The following ME1 variants were observed in gnomAD, a reference collection of about 807,000 sequenced individuals.
The protein encoded by ME1 is NADP-dependent malic enzyme.
A neutral mutation model predicts 66.4 loss-of-function variants in ME1; 74 were observed. The observed-to-expected ratio is 1.11, with a 90% confidence interval of 0.92 to 1.35. The LOEUF (loss-of-function observed/expected upper bound fraction) is 1.35. Ranked by LOEUF, ME1 falls within the 40% of genes most tolerant of loss-of-function variation. The pLI, the probability that ME1 is intolerant of heterozygous loss-of-function variation, is 0.00. For synonymous variants in ME1, 251 were observed against 235.6 expected (o/e 1.07, Z -0.60); for missense variants, 750 against 694.1 (o/e 1.08, Z -0.90).
chr6:83,237,816 A>G lies in ME1; in HGVS notation c.927T>C (p.Ile309=). 1 of 1,602,224 alleles carries G rather than the reference A, an allele frequency of 6.2e-7. No individual in the cohort carries two copies. Among genetic ancestry groups the G allele is most frequent in the Non-Finnish European group, 8.5e-7 (1 of 1,173,412 alleles). Residue 309 remains isoleucine, a synonymous_variant, in exon 9 of 14, where the codon ATT becomes ATC. Coordinates refer to ENST00000369705, the MANE Select transcript of ME1 (RefSeq NM_002395.6). ...CCAAGGCCATCACAATCAGGTGTGC[A>G]ATCCCTAGGGCAGCCTCAGTGATGA... ...FQGAGEAALG[I]AHLIVMALEK...
At chr6:83,294,878 G>C (rs1457667730) in intron 6 of ME1, among the ~76,000 whole-genome samples, 1 of 152,164 alleles carries the variant, frequency 6.6e-6, no homozygotes, top group African/African-American at 2.4e-5. Flanking sequence ...GGGGAAGTGA[G>C]AGACCCTCAG....
chr6:83,328,026 T>C (rs904963706), intron 5 of ME1, among the ~76,000 whole-genome samples: 21 of 152,332 alleles, frequency 1.4e-4, no homozygotes, highest in African/African-American at 3.8e-4. Context: ...CGTATGTTTA[T>C]TGCAGCACTG....
intron 3 of ME1, among the ~76,000 whole-genome samples, chr6:83,352,806 T>C (rs1010512595): frequency 6.6e-6 from 1 of 152,206 alleles, no homozygotes; most frequent in Non-Finnish European, 1.5e-5. Context: ...CTTATCCTCA[T>C]TTAAAAGTTT....
chr6:83,237,315 A>G (rs1167632053), intron 9 of ME1, among the ~76,000 whole-genome samples: 4 of 60,222 alleles, frequency 6.6e-5, no homozygotes, highest in Non-Finnish European at 1.1e-4. Flanking sequence ...AGAAAGAAAG[A>G]AAAGGAAGGA....
intron 13 of ME1, among the ~76,000 whole-genome samples, chr6:83,213,121 C>T (rs1426695587): frequency 5.3e-5 from 8 of 151,300 alleles, no homozygotes; most frequent in Non-Finnish European, 1.2e-4. Flanking sequence ...CAACCTCTGC[C>T]TCCTGGGTTC....
chr6:83,399,148 A>G (rs1476866822), intron 2 of ME1, among the ~76,000 whole-genome samples: 1 of 151,086 alleles, frequency 6.6e-6, no homozygotes, highest in Admixed American at 6.6e-5. Flanking sequence ...GCGTGCACCA[A>G]CAAGCCCGGC....
At chr6:83,403,676 G>A (rs1028635621) in intron 2 of ME1, among the ~76,000 whole-genome samples, 1 of 151,964 alleles carries the variant, frequency 6.6e-6, no homozygotes, top group East Asian at 1.9e-4. Context: ...GACAGGCCCT[G>A]GTGTGTGATG....
At chr6:83,421,889 C>A (rs2128553549) in intron 1 of ME1, among the ~76,000 whole-genome samples, 1 of 152,280 alleles carries the variant, frequency 6.6e-6, no homozygotes, top group African/African-American at 2.4e-5. Context: ...GGATATAGAG[C>A]TGGTCTCAAG....
intron 9 of ME1, among the ~76,000 whole-genome samples, chr6:83,229,750 T>C (rs922512808): frequency 2.0e-5 from 3 of 152,210 alleles, no homozygotes; most frequent in Non-Finnish European, 4.4e-5. Flanking sequence ...ACAAATAGTA[T>C]GTCATAGTCT....
At chr6:83,386,825 C>T (rs1769512459) in intron 3 of ME1, among the ~76,000 whole-genome samples, 1 of 151,960 alleles carries the variant, frequency 6.6e-6, no homozygotes, top group African/African-American at 2.4e-5. Context: ...AGAGAGCTCT[C>T]TGCTTTCTGC....
Position 83,211,929 on chromosome 6 carries a change from G to A in ME1, c.1714C>T (p.Gln572Ter). 1.3e-6 allele frequency: 2 copies of A among 1,582,588 alleles called. No homozygotes were observed. The highest frequency in any genetic ancestry group is 1.3e-5 in the African/African-American group (1 of 74,104). Residue 572 changes from glutamine to a stop codon, truncating the protein, a stop_gained, in exon 14 of 14, where the codon CAG becomes TAG. Coordinates refer to ENST00000369705, the MANE Select transcript of ME1 (RefSeq NM_002395.6). LOFTEE classifies it high-confidence loss of function. ...TAGAAATGTTTGCTATTATCCTACT[G>A]GTCAACTTTGGTCTGTATTTTCTGC... ...EVQKIQTKVD[Q>*] is the part of the protein sequence containing the mutation.
rs1343138164 is a variant in ME1, at chr6:83,322,984, G to C, written c.601-7571C>G. ...TGCAGAAATTCTGCAAGCCCGAAGAGAGTGGGGGCCAACATTCAACATTCT... is the reference window on the plus strand; with the variant it reads ...TGCAGAAATTCTGCAAGCCCGAAGACAGTGGGGGCCAACATTCAACATTCT... On this transcript the variant is annotated intron_variant, in intron 5 of 13. Coordinates refer to ENST00000369705, the MANE Select transcript of ME1 (RefSeq NM_002395.6). 2.6e-5 allele frequency among the ~76,000 whole-genome samples: 4 copies of C among 152,222 alleles called. No homozygotes were observed. The East Asian group carries it at 7.7e-4, about 29-fold the overall frequency.
chr6:83,323,498 AC>A, intron 5 of ME1, among the ~76,000 whole-genome samples: 1 of 134,208 alleles, frequency 7.5e-6, no homozygotes, highest in South Asian at 2.2e-4. Context: ...AAACAAACAA[AC>A]AAACAAAAAA....
At position 83,346,229 on chromosome 6, in the gene ME1, C is replaced by T. The variant is rs760322480; in HGVS notation, c.544G>A (p.Gly182Arg). ...GKLALYTACG[G>R]MNPQECLPVI... is the part of the protein sequence containing the mutation. ...GGCAGACATTCTTGAGGATTCATCC[C>T]TCCGCAAGCTGTATATAGAGCCAAT... Residue 182 changes from glycine to arginine, a missense_variant, in exon 5 of 14, where the codon GGG becomes AGG. By Grantham distance (125) the Gly-to-Arg change is moderately radical. Transcript: ENST00000369705. The T allele has an allele frequency of 1.2e-6, 2 of 1,612,780 alleles. No homozygotes were observed. The highest frequency in any genetic ancestry group is 1.7e-6 in the Non-Finnish European group (2 of 1,179,192).
intron 2 of ME1, among the ~76,000 whole-genome samples, chr6:83,404,433 T>C (rs1769896805): frequency 6.6e-6 from 1 of 152,210 alleles, no homozygotes; most frequent in Admixed American, 6.5e-5. Flanking sequence ...GCAAAAATTT[T>C]CTCCAATTCT....
At chr6:83,268,793 T>C (rs1274279608) in intron 6 of ME1, among the ~76,000 whole-genome samples, 1 of 150,940 alleles carries the variant, frequency 6.6e-6, no homozygotes, top group Admixed American at 6.6e-5. Flanking sequence ...GGTTTCACTA[T>C]GTTGCCCAGG....
intron 10 of ME1, 62 bp downstream of exon 10, chr6:83,228,764 G>GT (rs1329086834): frequency 3.7e-6 from 4 of 1,072,842 alleles, no homozygotes; most frequent in East Asian, 2.5e-5. Context: ...AAAATTGGTA[G>GT]TAAAAAAAAC....
chr6:83,212,395 C>A (rs535963732), intron 13 of ME1, among the ~76,000 whole-genome samples: 3 of 152,262 alleles, frequency 2.0e-5, no homozygotes, highest in South Asian at 4.1e-4. Context: ...CTTGACATGA[C>A]CTGACTGACA....
At chr6:83,264,115 A>G (rs1422200149) in intron 6 of ME1, among the ~76,000 whole-genome samples, 1 of 152,208 alleles carries the variant, frequency 6.6e-6, no homozygotes, top group Non-Finnish European at 1.5e-5. Context: ...CTCATTCACC[A>G]TTTTGAAAAA....
Sources: allele counts gnomAD v4.1 joint callset (sites outside exome capture counted in the v4.1 genomes callset), GRCh38; gene constraint gnomAD v4.1.1; transcripts MANE v1.5; gene names NCBI Gene and HGNC (gene_info 2026-07-23, HGNC 2026-07-21).